TRDN: variants seen among roughly 807,000 people sequenced by gnomAD.
TRDN encodes the protein triadin, also known as triadin in skeletal muscle.
TRDN carries 161 observed loss-of-function variants against 149.7 expected under a neutral mutation model. That is an observed-to-expected ratio of 1.08 (90% CI 0.95 to 1.23). The LOEUF is 1.23. Ranked by LOEUF, TRDN falls within the 50% of genes most tolerant of loss-of-function variation. The pLI, the probability that TRDN is intolerant of heterozygous loss-of-function variation, is 0.00. For synonymous variants in TRDN, 294 were observed against 250.5 expected (o/e 1.17, Z -1.64); for missense variants, 896 against 823.5 (o/e 1.09, Z -1.08).
intron 4 of TRDN, among the ~76,000 whole-genome samples, chr6:123,539,367 T>C (rs1367873207): frequency 6.6e-6 from 1 of 152,194 alleles, no homozygotes; most frequent in Non-Finnish European, 1.5e-5. Flanking sequence ...ATGCTTTGAA[T>C]TTCAAAGCTC....
chr6:123,430,635 G>A (rs1293080285), intron 12 of TRDN, among the ~76,000 whole-genome samples: 1 of 152,002 alleles, frequency 6.6e-6, no homozygotes, highest in Admixed American at 6.6e-5. Context: ...AAGTTCAGAG[G>A]TGATCTTGTT....
chr6:123,323,544 T>G (rs964978210), intron 23 of TRDN, among the ~76,000 whole-genome samples: 2 of 152,190 alleles, frequency 1.3e-5, no homozygotes, highest in Non-Finnish European at 2.9e-5. Flanking sequence ...CTCCAGTTTG[T>G]AATGCAGGCG....
At chr6:123,497,936 T>C (rs960607893) in intron 8 of TRDN, among the ~76,000 whole-genome samples, 1 of 151,612 alleles carries the variant, frequency 6.6e-6, no homozygotes, top group Non-Finnish European at 1.5e-5. Flanking sequence ...AAAAAAAACA[T>C]AGTATGTAAA....
chr6:123,321,704 TC>T (rs1779249809), intron 23 of TRDN, among the ~76,000 whole-genome samples: 1 of 152,024 alleles, frequency 6.6e-6, no homozygotes, highest in Non-Finnish European at 1.5e-5. Flanking sequence ...ATACTGTCAC[TC>T]CAAATAGCTT....
chr6:123,353,180 T>G (rs974977497), intron 20 of TRDN, among the ~76,000 whole-genome samples: 3 of 151,862 alleles, frequency 2.0e-5, no homozygotes, highest in Non-Finnish European at 4.4e-5. Context: ...AAATGATTCA[T>G]TTGGAATCAG....
Position 123,297,262 on chromosome 6 carries a change from G to T in TRDN, c.1511-18180C>A, listed in dbSNP as rs142193073. On this transcript the variant is annotated intron_variant, in intron 24 of 40. Transcript: ENST00000334268. ...CATTCTGTTCTCACTTTTCATCTCA[G>T]ACAGTTATCTGATATTTTGCCTCAA... 1.1e-3 allele frequency among the ~76,000 whole-genome samples: 170 copies of T among 151,864 alleles called. 1 individual carries two copies. Among genetic ancestry groups the T allele is most frequent in the African/African-American group, 3.9e-3 (163 of 41,304 alleles).
intron 21 of TRDN, among the ~76,000 whole-genome samples, chr6:123,341,621 C>T (rs998907076): frequency 2.0e-5 from 3 of 151,772 alleles, no homozygotes; most frequent in Admixed American, 2.0e-4. Flanking sequence ...GTTGTCAGTA[C>T]GTGAAGACTG....
intron 2 of TRDN, among the ~76,000 whole-genome samples, chr6:123,561,526 T>C (rs1306443735): frequency 6.6e-6 from 1 of 152,030 alleles, no homozygotes; most frequent in East Asian, 1.9e-4. Flanking sequence ...CCCCAAAAAC[T>C]TGGATAGAGC....
At chr6:123,614,943 A>G (rs2114691492) in intron 1 of TRDN, among the ~76,000 whole-genome samples, 1 of 152,316 alleles carries the variant, frequency 6.6e-6, no homozygotes, top group South Asian at 2.1e-4. Context: ...AACTCAAACA[A>G]TAGCAAAAAC....
rs1480888849 is a variant in TRDN, at chr6:123,217,552, G to A, written c.*1049C>T. On this transcript the variant is annotated 3_prime_UTR_variant, in exon 41 of 41. Coordinates refer to ENST00000334268, the MANE Select transcript of TRDN (RefSeq NM_006073.4). ...CAGTCATTCCCAGGGATGCACTGTC[G>A]AGTAGATTAAAAATTGTTATCCATG... The A allele has an allele frequency of 6.6e-6, 1 of 151,864 alleles. No individual in the cohort carries two copies. The highest frequency in any genetic ancestry group is 1.9e-4 in the East Asian group (1 of 5,152). 9.4% of individuals were successfully genotyped at this position (151,864 alleles called of 1,614,324 possible). A position where few individuals can be genotyped will look rare whatever the true frequency, so the allele number is the denominator to read the frequency against.
chr6:123,254,980 T>G lies in TRDN; in HGVS notation c.1951+101A>C, dbSNP rs1776505541. ...CTGCTATTAAGAGAAGTTTGCATCT[T>G]CTAGATTTCTTTGTTCCAAAATAAT... On this transcript the variant is annotated intron_variant, in intron 37 of 40. Coordinates refer to ENST00000334268, the MANE Select transcript of TRDN (RefSeq NM_006073.4). The G allele has an allele frequency of 5.5e-6, 4 of 729,296 alleles. No individual in the cohort carries two copies. In the South Asian group the frequency reaches 6.4e-5, roughly 12 times the overall value. 45.2% of individuals were successfully genotyped at this position (729,296 alleles called of 1,614,324 possible).
intron 12 of TRDN, among the ~76,000 whole-genome samples, chr6:123,428,625 A>G (rs1388758755): frequency 6.6e-6 from 1 of 152,186 alleles, no homozygotes; most frequent in Admixed American, 6.5e-5. Flanking sequence ...TTAAAAGTGT[A>G]TGTGTTCCAG....
chr6:123,614,977 TA>T (rs1181840637), intron 1 of TRDN, among the ~76,000 whole-genome samples: 11 of 152,138 alleles, frequency 7.2e-5, no homozygotes, highest in African/African-American at 2.6e-4. Flanking sequence ...ATAGTGTGAT[TA>T]AAAACCTGGC....
intron 1 of TRDN, among the ~76,000 whole-genome samples, chr6:123,577,573 G>A (rs1398664663): frequency 6.6e-6 from 1 of 152,002 alleles, no homozygotes; most frequent in Non-Finnish European, 1.5e-5. Flanking sequence ...TTGATTTCAT[G>A]TCTTTGCTAT....
chr6:123,410,536 A>G (rs546512835), intron 12 of TRDN, among the ~76,000 whole-genome samples: 40 of 152,312 alleles, frequency 2.6e-4, no homozygotes, highest in African/African-American at 9.6e-4. Context: ...AAGTATTTTA[A>G]GTATATATTT....
chr6:123,353,049 T>C (rs765998042), intron 20 of TRDN, among the ~76,000 whole-genome samples: 1 of 151,846 alleles, frequency 6.6e-6, no homozygotes, highest in Non-Finnish European at 1.5e-5. Flanking sequence ...TCCCAAATCA[T>C]CAGTAACCAA....
At chr6:123,571,799 C>G (rs952844033) in intron 1 of TRDN, among the ~76,000 whole-genome samples, 2 of 151,716 alleles carry the variant, frequency 1.3e-5, no homozygotes, top group African/African-American at 4.8e-5. Context: ...CTTTTTTTTA[C>G]TAGGCAATAT....
chr6:123,332,618 TAAA>T (rs903081949), intron 22 of TRDN, among the ~76,000 whole-genome samples: 9 of 152,076 alleles, frequency 5.9e-5, no homozygotes, highest in Non-Finnish European at 1.3e-4. Context: ...AACAGCCTAA[TAAA>T]AAATAAAACA....
In TRDN at chr6:123,533,939, T is replaced by C. The variant is rs546412523; in HGVS notation, c.425-3374A>G. 3.9e-5 allele frequency among the ~76,000 whole-genome samples: 6 copies of C among 152,266 alleles called. No individual in the cohort carries two copies. In the East Asian group the frequency reaches 1.2e-3, roughly 29 times the overall value. On this transcript the variant is annotated intron_variant, in intron 4 of 40. Coordinates refer to ENST00000334268, the MANE Select transcript of TRDN (RefSeq NM_006073.4). Reference sequence around the variant, plus strand: ...TTCAGAGCAGTTATTTTTTACTCTATGGTAAGCAGAGTAGATGCAACCCAG... The same window carrying C: ...TTCAGAGCAGTTATTTTTTACTCTACGGTAAGCAGAGTAGATGCAACCCAG...
Sources: allele counts gnomAD v4.1 joint callset (sites outside exome capture counted in the v4.1 genomes callset), GRCh38; gene constraint gnomAD v4.1.1; transcripts MANE v1.5; gene names NCBI Gene and HGNC (gene_info 2026-07-23, HGNC 2026-07-21).